NDUFAF6: variants seen among roughly 807,000 people sequenced by gnomAD.
The protein encoded by NDUFAF6 is NADH:ubiquinone oxidoreductase complex assembly factor 6, also known as NADH dehydrogenase (ubiquinone) complex I, assembly factor 6.
NDUFAF6 carries 45 observed loss-of-function variants against 40.8 expected under a neutral mutation model. That is an observed-to-expected ratio of 1.10 (90% CI 0.87 to 1.42). The LOEUF (loss-of-function observed/expected upper bound fraction) is 1.42, where lower values mean the gene tolerates loss of function less well. Ranked by LOEUF, NDUFAF6 falls within the 40% of genes most tolerant of loss-of-function variation. The pLI, the probability that NDUFAF6 is intolerant of heterozygous loss-of-function variation, is 0.00. For missense variants in NDUFAF6, 435 were observed against 418.5 expected, an observed-to-expected ratio of 1.04 and a Z score of -0.34; for synonymous variants, 185 against 155.9, an observed-to-expected ratio of 1.19 and a Z score of -1.39.
chr8:94,966,525 T>C (rs1824026161), intron 1 of NDUFAF6, among the ~76,000 whole-genome samples: 1 of 152,092 alleles, frequency 6.6e-6, no homozygotes, highest in South Asian at 2.1e-4. Flanking sequence ...GCCCGGAAGT[T>C]TGAGGCTACA....
chr8:95,065,376 G>A (rs558429496), intron 9 of NDUFAF6, among the ~76,000 whole-genome samples: 15 of 152,234 alleles, frequency 9.9e-5, no homozygotes, highest in Admixed American at 1.3e-4. Flanking sequence ...CTGGCTTGCT[G>A]GTGGGGAAAA....
chr8:95,031,607 A>T (rs1222997841), intron 1 of NDUFAF6, among the ~76,000 whole-genome samples: 2 of 152,050 alleles, frequency 1.3e-5, no homozygotes, highest in Admixed American at 1.3e-4. Context: ...TCACGTTGTT[A>T]TTGTTTTTTT....
intron 1 of NDUFAF6, among the ~76,000 whole-genome samples, chr8:95,027,642 T>C (rs1828324088): frequency 1.3e-5 from 2 of 151,772 alleles, no homozygotes; most frequent in African/African-American, 4.8e-5. Flanking sequence ...TCTTACCTTA[T>C]AGCCTGGTGT....
intron 1 of NDUFAF6, among the ~76,000 whole-genome samples, chr8:94,916,135 G>A (rs141810534): frequency 6.6e-6 from 1 of 152,318 alleles, no homozygotes; most frequent in Non-Finnish European, 1.5e-5. Flanking sequence ...TTGTTGGGTA[G>A]CTGGGGGAAG....
intron 1 of NDUFAF6, chr8:94,930,587 G>C (rs757108010): frequency 1.9e-6 from 3 of 1,614,236 alleles, no homozygotes; most frequent in Non-Finnish European, 2.5e-6. Flanking sequence ...GGCTATTTCT[G>C]TTAAGAGGCT....
intron 1 of NDUFAF6, among the ~76,000 whole-genome samples, chr8:95,031,061 A>G (rs1006157592): frequency 2.0e-5 from 3 of 152,218 alleles, no homozygotes; most frequent in African/African-American, 2.4e-5. Flanking sequence ...CTGTGACCCA[A>G]ATACCTCCCA....
exon 3 of NDUFAF6, chr8:95,103,323 G>T (rs985566115): frequency 6.6e-6 from 1 of 152,184 alleles, no homozygotes; most frequent in African/African-American, 2.4e-5. Context: ...ACTGGTGGTT[G>T]TTAGGAACAG....
intron 4 of NDUFAF6, among the ~76,000 whole-genome samples, chr8:95,113,792 G>C (rs1390476295): frequency 1.3e-5 from 2 of 152,158 alleles, no homozygotes. Flanking sequence ...GTTGCGGTGA[G>C]CTGAGGTGGC....
chr8:95,089,287 T>C (rs907281570), intron 2 of NDUFAF6, among the ~76,000 whole-genome samples: 1 of 152,060 alleles, frequency 6.6e-6, no homozygotes, highest in Admixed American at 6.5e-5. Context: ...CTTGAACTCA[T>C]GAACTCATGC....
In NDUFAF6 at chr8:95,008,954, A is replaced by T. The variant is rs181693573; in HGVS notation, c.-83-23041A>T. Among the ~76,000 whole-genome samples, 381 of 152,282 alleles carry T rather than the reference A, an allele frequency of 2.5e-3. 4 individuals carry two copies. The highest frequency in any genetic ancestry group is 8.7e-3 in the African/African-American group (363 of 41,562). Reference sequence around the variant, plus strand: ...GCTCACGCCTATAATCATAGCACTTAGGGAGGCTGAAGTGGGAGGATCAGT... The same window carrying T: ...GCTCACGCCTATAATCATAGCACTTTGGGAGGCTGAAGTGGGAGGATCAGT... On this transcript the variant is annotated intron_variant, in intron 2 of 9. Transcript: ENST00000396111.
At chr8:95,025,641 G>A (rs1277773399) in intron 1 of NDUFAF6, among the ~76,000 whole-genome samples, 2 of 152,196 alleles carry the variant, frequency 1.3e-5, no homozygotes, top group African/African-American at 2.4e-5. Flanking sequence ...TATCATTTAA[G>A]GTTGTGAGTT....
chr8:94,970,433 C>A (rs1442258491), intron 1 of NDUFAF6, among the ~76,000 whole-genome samples: 4 of 151,870 alleles, frequency 2.6e-5, no homozygotes, highest in Non-Finnish European at 4.4e-5. Context: ...TAATAGTTAA[C>A]AACAGAAAAT....
downstream of NDUFAF6, among the ~76,000 whole-genome samples, chr8:95,107,041 A>T (rs968495546): frequency 6.6e-6 from 1 of 152,240 alleles, no homozygotes; most frequent in African/African-American, 2.4e-5. Context: ...TGGTGGGAGT[A>T]TAAATTAGTT....
At chr8:94,931,919 C>G (rs1353507355) in intron 1 of NDUFAF6, among the ~76,000 whole-genome samples, 3 of 152,092 alleles carry the variant, frequency 2.0e-5, no homozygotes, top group Admixed American at 2.0e-4. Context: ...CTGCTGTGAG[C>G]CAATATCACA....
chr8:95,048,581 A>T, intron 7 of NDUFAF6, 23 bp downstream of exon 7: 1 of 1,519,976 alleles, frequency 6.6e-7, no homozygotes, highest in African/African-American at 1.4e-5. Flanking sequence ...TTTTTTGCCA[A>T]ATCATTTAGG....
At chr8:94,914,283 A>C (rs1358392219) in intron 1 of NDUFAF6, among the ~76,000 whole-genome samples, 1 of 151,970 alleles carries the variant, frequency 6.6e-6, no homozygotes, top group African/African-American at 2.4e-5. Flanking sequence ...TCATCTGTAG[A>C]TTTGGTTTCA....
At chr8:95,048,434 A>T (rs369303292) in intron 6 of NDUFAF6, 23 bp from the exon 7 acceptor site, 8 of 1,549,970 alleles carry the variant, frequency 5.2e-6, no homozygotes, top group Non-Finnish European at 7.1e-6. Context: ...GGTTCCTAAT[A>T]TAATGTATAT....
chr8:94,976,971 C>T (rs921411713), intron 1 of NDUFAF6, among the ~76,000 whole-genome samples: 8 of 151,360 alleles, frequency 5.3e-5, no homozygotes, highest in African/African-American at 1.7e-4. Context: ...GGAAACATGG[C>T]GAAACTCCAT....
At chr8:94,911,875 GT>G (rs1258806511) in intron 1 of NDUFAF6, among the ~76,000 whole-genome samples, 1 of 152,238 alleles carries the variant, frequency 6.6e-6, no homozygotes, top group East Asian at 1.9e-4. Context: ...GAGCTGAGGG[GT>G]CTGTGGAATA....
Sources: gnomAD v4.1 joint callset for allele counts (sites outside exome capture counted in the v4.1 genomes callset) on GRCh38, gnomAD v4.1.1 for gene constraint, MANE v1.5 for transcripts, NCBI Gene and HGNC (gene_info 2026-07-23, HGNC 2026-07-21) for gene names.